LRRC4C: variants seen among roughly 807,000 people sequenced by gnomAD.
LRRC4C encodes the protein leucine-rich repeat-containing protein 4C.
Under a neutral mutation model 33.6 loss-of-function variants are expected in LRRC4C, and 5 were observed. That is an observed-to-expected ratio of 0.15 (90% confidence interval 0.08 to 0.31). The LOEUF is 0.31. LRRC4C is among the 10% of genes least tolerant of loss of function. The probability of loss-of-function intolerance (pLI) is 1.00; values close to 1 mark genes in which losing one functional copy is unlikely to be tolerated. For synonymous variants in LRRC4C, 329 were observed against 302.0 expected (o/e 1.09, Z -0.93); for missense variants, 560 against 796.7 (o/e 0.70, Z 3.58).
At chr11:40,903,528 T>C (rs551033212) in intron 2 of LRRC4C, among the ~76,000 whole-genome samples, 1 of 152,328 alleles carries the variant, frequency 6.6e-6, no homozygotes, top group East Asian at 1.9e-4. Flanking sequence ...ATCTGGTGGA[T>C]GTAAGCAAAA....
At position 40,114,558 on chromosome 11, in the gene LRRC4C, T is replaced by C; in HGVS notation, c.1735A>G (p.Thr579Ala). 6.2e-7 allele frequency: 1 copy of C among 1,614,174 alleles called. No individual in the cohort carries two copies. The highest frequency in any genetic ancestry group is 8.5e-7 in the Non-Finnish European group (1 of 1,180,024). Residue 579 changes from threonine (T) to alanine (A), a missense_variant, in exon 7 of 7, where the codon ACA becomes GCA. Physicochemically the swap from Thr to Ala is moderately conservative, Grantham distance 58. Coordinates refer to ENST00000528697, the MANE Select transcript of LRRC4C (RefSeq NM_001258419.2). ...ATGGGCAGGTGGCTTTCCATGGGTG[T>C]GTCTCCCGTAATCTCATCATCCACA... is the stretch of plus-strand genomic sequence containing the variant. ...INVDDEITGD[T>A]PMESHLPMPA... is the part of the protein sequence containing the mutation.
chr11:40,929,542 G>A (rs1004560050), intron 2 of LRRC4C, among the ~76,000 whole-genome samples: 3 of 152,092 alleles, frequency 2.0e-5, no homozygotes, highest in African/African-American at 4.8e-5. Flanking sequence ...AGTGCTATCC[G>A]TCCATAGTAA....
At position 40,754,724 on chromosome 11, in the gene LRRC4C, C is replaced by T. The variant is rs151015563; in HGVS notation, c.-406-106446G>A. On this transcript the variant is annotated intron_variant, in intron 2 of 6. Coordinates refer to ENST00000528697, the MANE Select transcript of LRRC4C (RefSeq NM_001258419.2). ...TCTTAAGAGTCATTTTTAATTTCCT[C>T]TTGTTTTATTTCAATTTGCCTATTT... Among the ~76,000 whole-genome samples the T allele has an allele frequency of 4.5e-4, 69 of 152,092 alleles. No homozygotes were observed. In the East Asian group the frequency reaches 0.013, roughly 29 times the overall value.
intron 3 of LRRC4C, among the ~76,000 whole-genome samples, chr11:40,594,568 T>C (rs1959183898): frequency 1.3e-5 from 2 of 152,202 alleles, no homozygotes; most frequent in Non-Finnish European, 2.9e-5. Context: ...TTTTATATGT[T>C]GTATCTTATT....
Position 41,294,323 on chromosome 11 carries a change from T to G in LRRC4C, c.-496+165108A>C, listed in dbSNP as rs375971752. Among the ~76,000 whole-genome samples the G allele has an allele frequency of 1.7e-4, 26 of 152,272 alleles. No homozygotes were observed. In the East Asian group the frequency reaches 3.9e-3, roughly 23 times the overall value. On this transcript the variant is annotated intron_variant, in intron 1 of 6. Transcript: ENST00000528697. ...GTCACAGAGTGTGAGAGAAAAGGAC[T>G]TCGCACAGAGTATCAGGTGAGACTT...
chr11:40,590,946 GC>G (rs1406094295), intron 3 of LRRC4C, among the ~76,000 whole-genome samples: 11 of 152,194 alleles, frequency 7.2e-5, no homozygotes, highest in Non-Finnish European at 1.3e-4. Context: ...TCTGTGCCCT[GC>G]CCCCAGAGGT....
chr11:41,066,354 A>G (rs1259824377), intron 1 of LRRC4C, among the ~76,000 whole-genome samples: 1 of 152,166 alleles, frequency 6.6e-6, no homozygotes, highest in African/African-American at 2.4e-5. Flanking sequence ...AGGCATGCAG[A>G]CCAGATTAGA....
chr11:40,421,364 T>C (rs1407652632), intron 3 of LRRC4C, among the ~76,000 whole-genome samples: 1 of 152,178 alleles, frequency 6.6e-6, no homozygotes, highest in African/African-American at 2.4e-5. Context: ...TCAGTAATGA[T>C]CAAATGCCAG....
chr11:40,128,749 C>T (rs191537124), intron 6 of LRRC4C, among the ~76,000 whole-genome samples: 4 of 152,170 alleles, frequency 2.6e-5, no homozygotes, highest in African/African-American at 9.6e-5. Context: ...CGCCTCAGGA[C>T]CTTTGTACTA....
At chr11:40,171,670 CAGA>C (rs1279575228) in intron 5 of LRRC4C, among the ~76,000 whole-genome samples, 1 of 152,130 alleles carries the variant, frequency 6.6e-6, no homozygotes, top group Non-Finnish European at 1.5e-5. Context: ...CTATATGCGG[CAGA>C]AGGAGCTTGT....
At chr11:40,188,875 G>C (rs1208395964) in intron 5 of LRRC4C, among the ~76,000 whole-genome samples, 1 of 152,192 alleles carries the variant, frequency 6.6e-6, no homozygotes, top group African/African-American at 2.4e-5. Flanking sequence ...ACCTATGCAA[G>C]TCTTTGATAT....
chr11:40,458,416 T>C (rs180993705), intron 3 of LRRC4C, among the ~76,000 whole-genome samples: 14 of 152,316 alleles, frequency 9.2e-5, no homozygotes, highest in Admixed American at 2.0e-4. Context: ...CCAGACTCCT[T>C]CAATGACCAT....
intron 1 of LRRC4C, among the ~76,000 whole-genome samples, chr11:41,218,762 CA>C (rs1442956766): frequency 1.5e-5 from 2 of 135,862 alleles, no homozygotes; most frequent in African/African-American, 2.8e-5. Flanking sequence ...ATGCATATGT[CA>C]TTTTTTTTTT....
At chr11:40,654,570 T>C (rs1942999356) in intron 2 of LRRC4C, among the ~76,000 whole-genome samples, 1 of 152,216 alleles carries the variant, frequency 6.6e-6, no homozygotes, top group South Asian at 2.1e-4. Flanking sequence ...GGACTCCCAT[T>C]GTATCTAGGA....
At chr11:41,364,416 T>C (rs1952462388) in intron 1 of LRRC4C, among the ~76,000 whole-genome samples, 1 of 152,050 alleles carries the variant, frequency 6.6e-6, no homozygotes, top group African/African-American at 2.4e-5. Flanking sequence ...TTAGCTAGGA[T>C]TATAGGCACG....
chr11:40,333,717 C>CAAAAAAA (rs60450935), intron 3 of LRRC4C, among the ~76,000 whole-genome samples: 1 of 78,504 alleles, frequency 1.3e-5, no homozygotes, highest in East Asian at 3.9e-4. Context: ...GACTTTGTCT[C>CAAAAAAA]AAAAAAAAAA....
At chr11:40,584,548 A>C (rs79155127) in intron 3 of LRRC4C, among the ~76,000 whole-genome samples, 2,560 of 152,126 alleles carry the variant, frequency 0.017, 91 homozygotes, top group African/African-American at 0.058. Flanking sequence ...TAATCATGGG[A>C]TGGAAAAACA....
chr11:40,762,299 G>A (rs938763709), intron 2 of LRRC4C, among the ~76,000 whole-genome samples: 2 of 152,142 alleles, frequency 1.3e-5, no homozygotes, highest in Admixed American at 1.3e-4. Context: ...GAATCTAACT[G>A]TAGTTTAGTC....
At chr11:40,880,148 C>T (rs779752037) in intron 2 of LRRC4C, among the ~76,000 whole-genome samples, 2 of 152,022 alleles carry the variant, frequency 1.3e-5, no homozygotes, top group Non-Finnish European at 2.9e-5. Context: ...GTACTAGAGC[C>T]GCCTGCCAGA....
Sources: allele counts gnomAD v4.1 joint callset (sites outside exome capture counted in the v4.1 genomes callset), GRCh38; gene constraint gnomAD v4.1.1; transcripts MANE v1.5; gene names NCBI Gene and HGNC (gene_info 2026-07-23, HGNC 2026-07-21).